The following SAAL1 variants were observed in gnomAD, a reference collection of about 807,000 sequenced individuals.
SAAL1 encodes serum amyloid A like 1.
In SAAL1, 42 loss-of-function variants were observed where a neutral mutation model predicts 59.8. The observed-to-expected ratio is 0.70, with a 90% CI of 0.55 to 0.91. The LOEUF (loss-of-function observed/expected upper bound fraction) is 0.91, where lower values mean the gene tolerates loss of function less well. Ranked by LOEUF, SAAL1 falls within the 40% of genes least tolerant of loss-of-function variation. The pLI is 0.00. For missense variants in SAAL1, 542 were observed against 561.1 expected (o/e 0.97, Z 0.34); for synonymous variants, 191 against 194.3 (o/e 0.98, Z 0.14).
chr11:18,087,311 A>C, intron 7 of SAAL1, 86 bp from the exon 8 acceptor site: 4 of 827,208 alleles, frequency 4.8e-6, no homozygotes, highest in South Asian at 1.6e-5. Context: ...AATATTTATT[A>C]CTCTGCCAGC....
Position 18,080,396 on chromosome 11 carries a change from GT to G in SAAL1, c.*2del. 1 of 1,568,600 alleles carries G rather than the reference GT, an allele frequency of 6.4e-7. No individual in the cohort carries two copies. The highest frequency in any genetic ancestry group is 8.6e-7 in the Non-Finnish European group (1 of 1,156,586). ...TTGTACAGAAGTAATTCCAATTCAG[GT>G]TTTAAGTCTGAACCTTCAAACTTGG... On this transcript the variant is annotated 3_prime_UTR_variant, in exon 12 of 12. Transcript: ENST00000524803.
In SAAL1 at chr11:18,096,774, T is replaced by C; in HGVS notation, c.330A>G (p.Leu110=). 1.3e-6 allele frequency: 2 copies of C among 1,499,928 alleles called. No individual in the cohort carries two copies. Among genetic ancestry groups the C allele is most frequent in the Non-Finnish European group, 1.9e-6 (2 of 1,076,884 alleles). The allele number at this position is 1,499,928 out of a possible 1,614,324, so 92.9% of individuals were successfully genotyped here. The change falls in exon 3 of 12, where the codon TTA becomes TTG. Residue 110 remains leucine (L), a synonymous_variant. Coordinates refer to ENST00000524803, the MANE Select transcript of SAAL1 (RefSeq NM_138421.3). ...GVLAKSKCPR[L]REICVGILGN... Reference sequence around the variant, plus strand: ...CTTTAGAAATGTACATACTTACTCTTAATCGAGGACACTTGGACTTGGCCA... The same window carrying C: ...CTTTAGAAATGTACATACTTACTCTCAATCGAGGACACTTGGACTTGGCCA...
At chr11:18,096,270 A>C (rs574384428) in intron 3 of SAAL1, among the ~76,000 whole-genome samples, 1 of 151,596 alleles carries the variant, frequency 6.6e-6, no homozygotes, top group East Asian at 1.9e-4. Flanking sequence ...TAAATTATTA[A>C]ATTATTAATA....
Position 18,096,777 on chromosome 11 carries a change from T to A in SAAL1, c.327A>T (p.Arg109=). The change falls in exon 3 of 12, where the codon CGA becomes CGT. Residue 109 remains arginine, a synonymous_variant. Transcript: ENST00000524803. ...MGVLAKSKCP[R]LREICVGILG... ...TAGAAATGTACATACTTACTCTTAA[T>A]CGAGGACACTTGGACTTGGCCAGTA... 6.6e-7 allele frequency: 1 copy of A among 1,523,696 alleles called. No homozygotes were observed. The allele number at this position is 1,523,696 out of a possible 1,614,324, so 94.4% of individuals were successfully genotyped here. A position where few individuals can be genotyped will look rare whatever the true frequency, so the allele number is the denominator to read the frequency against.
At chr11:18,089,668 A>G (rs1433460135) in intron 6 of SAAL1, among the ~76,000 whole-genome samples, 158 bp from the exon 7 acceptor site, 4 of 152,232 alleles carry the variant, frequency 2.6e-5, no homozygotes, top group Non-Finnish European at 4.4e-5. Context: ...AAATTTGCTT[A>G]TCTTTCCTCA....
intron 11 of SAAL1, among the ~76,000 whole-genome samples, chr11:18,080,972 G>A (rs2134052524): frequency 6.6e-6 from 1 of 152,072 alleles, no homozygotes; most frequent in East Asian, 1.9e-4. Context: ...GAATTTTCCA[G>A]TAGTCATCTT....
In SAAL1 at chr11:18,087,202, T is replaced by A. The variant is rs962782801; in HGVS notation, c.794A>T (p.Asp265Val). The change falls in exon 8 of 12, where the codon GAT becomes GTT. Residue 265 changes from aspartate (D) to valine (V), a missense_variant. Coordinates refer to ENST00000524803, the MANE Select transcript of SAAL1 (RefSeq NM_138421.3). Reference sequence around the variant, plus strand: ...CAGTTGTAAAATGTGCATGTAAACATCAAGCCATTCTGGATTTTCAGAACT... The same window carrying A: ...CAGTTGTAAAATGTGCATGTAAACAACAAGCCATTCTGGATTTTCAGAACT... The part of the protein sequence containing the change: ...QVRSENPEWL[D>V]VYMHILQLLT... 52 of 1,612,666 alleles carry A rather than the reference T, an allele frequency of 3.2e-5. No individual in the cohort carries two copies. The highest frequency in any genetic ancestry group is 3.8e-5 in the Non-Finnish European group (45 of 1,178,826).
chr11:18,103,124 G>T, intron 2 of SAAL1, 109 bp downstream of exon 2: 1 of 752,172 alleles, frequency 1.3e-6, no homozygotes. Flanking sequence ...TGTGATTACA[G>T]ACAGGAGATA....
At chr11:18,096,057 G>C (rs774866966) in intron 3 of SAAL1, among the ~76,000 whole-genome samples, 1 of 152,258 alleles carries the variant, frequency 6.6e-6, no homozygotes, top group Non-Finnish European at 1.5e-5. Context: ...GCTGAGTTTA[G>C]AATGGTTTTC....
chr11:18,086,957 T>C lies in SAAL1; in HGVS notation c.951A>G (p.Gln317=). The part of the protein sequence containing the change: ...CQSDDPPIIL[Q]EQKTVLASVF... ...CAGAGGCTAGCACTGTTTTCTGTTC[T>C]TGAAGAATGATGGGTGGATCATCAG... Residue 317 remains glutamine, a synonymous_variant, in exon 9 of 12, where the codon CAA becomes CAG. Coordinates refer to ENST00000524803, the MANE Select transcript of SAAL1 (RefSeq NM_138421.3). 6.2e-7 allele frequency: 1 copy of C among 1,614,014 alleles called. No individual in the cohort carries two copies. The highest frequency in any genetic ancestry group is 8.5e-7 in the Non-Finnish European group (1 of 1,179,906).
chr11:18,105,874 G>C, intron 1 of SAAL1, 33 bp downstream of exon 1: 1 of 1,554,404 alleles, frequency 6.4e-7, no homozygotes, highest in South Asian at 1.2e-5. Flanking sequence ...GGGGGATGTA[G>C]GGACACCCCA....
chr11:18,093,473 T>C (rs1395429345), intron 3 of SAAL1, among the ~76,000 whole-genome samples: 43 of 152,140 alleles, frequency 2.8e-4, no homozygotes, highest in Non-Finnish European at 5.9e-5. Context: ...CCCCCAAGGA[T>C]AAGGGGAGAC....
At chr11:18,096,282 T>C (rs1485432006) in intron 3 of SAAL1, among the ~76,000 whole-genome samples, 3 of 151,562 alleles carry the variant, frequency 2.0e-5, no homozygotes, top group Non-Finnish European at 4.4e-5. Flanking sequence ...TTATTAATAA[T>C]TTAATATTTT....
At position 18,105,930 on chromosome 11, in the gene SAAL1, C is replaced by A; in HGVS notation, c.112G>T (p.Gly38Cys). 1 of 1,604,650 alleles carries A rather than the reference C, an allele frequency of 6.2e-7. No homozygotes were observed. The change falls in exon 1 of 12, where the codon GGC (glycine) becomes TGC (cysteine). Residue 38 changes from glycine (G) to cysteine (C), a missense_variant. By Grantham distance (159) the Gly-to-Cys change is radical. Transcript: ENST00000524803. ...ACCTGGATGAGTCCGCTGAGGACGC[C>A]GAAGAGCCAGTGTTTGCTGTAGACC... is the stretch of plus-strand genomic sequence containing the variant. ...STVYSKHWLFGVLSGLIQIVS... is the reference protein window; with the variant it reads ...STVYSKHWLFCVLSGLIQIVS...
At chr11:18,093,460 CA>C (rs1479104135) in intron 3 of SAAL1, among the ~76,000 whole-genome samples, 1 of 152,108 alleles carries the variant, frequency 6.6e-6, no homozygotes, top group African/African-American at 2.4e-5. Flanking sequence ...CCTTGGAATG[CA>C]ACCCCCAAGG....
rs768025028 is a variant in SAAL1 at position 18,090,256 on chromosome 11, C to T, written c.508G>A (p.Ala170Thr). 1 of 1,608,898 alleles carries T rather than the reference C, an allele frequency of 6.2e-7. No individual in the cohort carries two copies. The highest frequency in any genetic ancestry group is 8.5e-7 in the Non-Finnish European group (1 of 1,178,866). The change falls in exon 6 of 12, where the codon GCC becomes ACC. Residue 170 changes from alanine (A) to threonine (T), a missense_variant. Coordinates refer to ENST00000524803, the MANE Select transcript of SAAL1 (RefSeq NM_138421.3). Reference protein sequence around the residue: ...LLTCLSQAEVASVWVERIQEH... With the variant: ...LLTCLSQAEVTSVWVERIQEH... ...TGGATCCTTTCAACCCAAACACTGGCCACTTCTGCCTGGGAAAGGCAAGTA... is the reference window on the plus strand; with the variant it reads ...TGGATCCTTTCAACCCAAACACTGGTCACTTCTGCCTGGGAAAGGCAAGTA...
At chr11:18,105,320 C>T (rs1416282726) in intron 1 of SAAL1, among the ~76,000 whole-genome samples, 1 of 150,110 alleles carries the variant, frequency 6.7e-6, no homozygotes, top group Non-Finnish European at 1.5e-5. Flanking sequence ...AGGCGTGCAC[C>T]GTCACGACCG....
At chr11:18,086,265 G>A (rs1481083949) in intron 9 of SAAL1, among the ~76,000 whole-genome samples, 1 of 152,080 alleles carries the variant, frequency 6.6e-6, no homozygotes, top group Non-Finnish European at 1.5e-5. Context: ...AGCCAGGTGT[G>A]GCGTCATGTG....
Position 18,080,392 on chromosome 11 carries a change from T to C in SAAL1, c.*7A>G. ...TTTCTTGTACAGAAGTAATTCCAAT[T>C]CAGGTTTTAAGTCTGAACCTTCAAA... On this transcript the variant is annotated 3_prime_UTR_variant, in exon 12 of 12. Coordinates refer to ENST00000524803, the MANE Select transcript of SAAL1 (RefSeq NM_138421.3). 1 of 1,549,532 alleles carries C rather than the reference T, an allele frequency of 6.5e-7. No individual in the cohort carries two copies. The highest frequency in any genetic ancestry group is 8.8e-7 in the Non-Finnish European group (1 of 1,141,786).
Sources: gnomAD v4.1 joint callset for allele counts (sites outside exome capture counted in the v4.1 genomes callset) on GRCh38, gnomAD v4.1.1 for gene constraint, MANE v1.5 for transcripts, NCBI Gene and HGNC (gene_info 2026-07-23, HGNC 2026-07-21) for gene names.